The following IL1RAPL2 variants were observed in gnomAD, a reference collection of about 807,000 sequenced individuals.
IL1RAPL2 encodes the protein X-linked interleukin-1 receptor accessory protein-like 2.
IL1RAPL2 carries 3 observed loss-of-function variants against 44.1 expected under a neutral mutation model. The observed-to-expected ratio is 0.07, with a 90% confidence interval of 0.03 to 0.18. The LOEUF (loss-of-function observed/expected upper bound fraction) is 0.18. Among genes scored for constraint, IL1RAPL2 ranks in the 10% least tolerant of loss-of-function variants. The pLI, the probability that IL1RAPL2 is intolerant of heterozygous loss-of-function variation, is 1.00. For synonymous variants in IL1RAPL2, 181 were observed against 178.8 expected, an observed-to-expected ratio of 1.01 and a Z score of -0.10; for missense variants, 391 against 496.4, an observed-to-expected ratio of 0.79 and a Z score of 2.02.
intron 2 of IL1RAPL2, among the ~76,000 whole-genome samples, chrX:105,159,897 G>A (rs1204044121): frequency 9.1e-6 from 1 of 110,069 alleles, no homozygotes; most frequent in Non-Finnish European, 1.9e-5. Context: ...TGTAGCCCAG[G>A]CCTTTTTCCT....
At chrX:104,950,358 T>C (rs958581972) in intron 2 of IL1RAPL2, among the ~76,000 whole-genome samples, 2 of 112,478 alleles carry the variant, frequency 1.8e-5, no homozygotes, top group African/African-American at 6.5e-5. Flanking sequence ...GGAGAACCAC[T>C]GCTCTCTTCA....
chrX:105,015,834 T>A (rs1352935374), intron 2 of IL1RAPL2, among the ~76,000 whole-genome samples: 2 of 111,889 alleles, frequency 1.8e-5, no homozygotes, highest in Non-Finnish European at 3.8e-5. Context: ...AAGCAGTTTT[T>A]TCCAATTCTG....
intron 6 of IL1RAPL2, among the ~76,000 whole-genome samples, chrX:105,665,753 T>TTTTGTTG (rs2037759802): frequency 7.2e-5 from 5 of 69,308 alleles, no homozygotes; most frequent in Admixed American, 1.6e-4. Context: ...TTTTTTTTTT[T>TTTTGTTG]TTGTTGTTGT....
chrX:104,977,179 A>T (rs1443747640), intron 2 of IL1RAPL2, among the ~76,000 whole-genome samples: 1 of 111,808 alleles, frequency 8.9e-6, no homozygotes, highest in Non-Finnish European at 1.9e-5. Context: ...TGGGACCCGG[A>T]TGAAGGTCTT....
chrX:104,802,822 C>A (rs1932894447), intron 2 of IL1RAPL2, among the ~76,000 whole-genome samples: 1 of 111,129 alleles, frequency 9.0e-6, no homozygotes, highest in African/African-American at 3.3e-5. Context: ...GAATATCAAT[C>A]CCTAAGTGTT....
intron 4 of IL1RAPL2, among the ~76,000 whole-genome samples, chrX:105,253,554 T>TG (rs2034288642): frequency 9.2e-6 from 1 of 108,410 alleles, no homozygotes; most frequent in Admixed American, 9.7e-5. Context: ...TATCTGAGTC[T>TG]GTTTTTTTTT....
intron 6 of IL1RAPL2, among the ~76,000 whole-genome samples, chrX:105,671,096 A>T (rs1400217070): frequency 9.1e-6 from 1 of 110,220 alleles, no homozygotes; most frequent in Non-Finnish European, 1.9e-5. Flanking sequence ...ACAGGCACCC[A>T]CCACCACGCC....
At chrX:105,193,096 A>C (rs1044910261) in intron 2 of IL1RAPL2, among the ~76,000 whole-genome samples, 6 of 112,029 alleles carry the variant, frequency 5.4e-5, no homozygotes, top group Admixed American at 4.8e-4. Flanking sequence ...TCCCATCACA[A>C]ATAGGCCAAA....
intron 5 of IL1RAPL2, among the ~76,000 whole-genome samples, chrX:105,480,034 C>T (rs1004848694): frequency 8.1e-5 from 9 of 111,678 alleles, no homozygotes; most frequent in Non-Finnish European, 1.7e-4. Context: ...TAGCTTCATT[C>T]ACAGAAATTA....
chrX:104,936,847 C>G (rs916968974), intron 2 of IL1RAPL2, among the ~76,000 whole-genome samples: 2 of 110,692 alleles, frequency 1.8e-5, no homozygotes, highest in Non-Finnish European at 3.8e-5. Context: ...ACCTCGTGAT[C>G]CACCCGCCTC....
intron 6 of IL1RAPL2, among the ~76,000 whole-genome samples, chrX:105,489,752 T>TTC (rs1336856157): frequency 2.0e-5 from 2 of 99,056 alleles, no homozygotes; most frequent in African/African-American, 8.0e-5. Context: ...CTCTCTTTCT[T>TTC]TCTTTCTCTT....
intron 2 of IL1RAPL2, among the ~76,000 whole-genome samples, chrX:104,811,788 T>C (rs16985115): frequency 0.054 from 5,940 of 110,758 alleles, 423 homozygotes; most frequent in African/African-American, 0.19. Context: ...ATGATGACCT[T>C]GTCTAGAAGT....
At chrX:105,033,382 T>C (rs1483955953) in intron 2 of IL1RAPL2, among the ~76,000 whole-genome samples, 1 of 111,835 alleles carries the variant, frequency 8.9e-6, no homozygotes, top group Non-Finnish European at 1.9e-5. Flanking sequence ...TTTCCATGTT[T>C]ATTGCTTCCT....
At chrX:104,691,173 G>A (rs1364565651) in intron 2 of IL1RAPL2, among the ~76,000 whole-genome samples, 1 of 112,183 alleles carries the variant, frequency 8.9e-6, no homozygotes, top group East Asian at 2.8e-4. Context: ...AACCATTTTA[G>A]GAGCTCTGCA....
chrX:105,235,241 AC>A (rs1556200350), intron 4 of IL1RAPL2, among the ~76,000 whole-genome samples: 1 of 111,532 alleles, frequency 9.0e-6, no homozygotes, highest in East Asian at 2.8e-4. Context: ...TAACCACACA[AC>A]CTTCCAGCTA....
At chrX:105,405,879 A>T (rs947811453) in intron 5 of IL1RAPL2, 1 of 1,163,982 alleles carries the variant, frequency 8.6e-7, no homozygotes, top group African/African-American at 1.8e-5. Flanking sequence ...CAGTGTGTAT[A>T]ATGGGAAAGG....
At chrX:104,585,195 ATATG>A (rs1160152429) in intron 1 of IL1RAPL2, among the ~76,000 whole-genome samples, 2 of 61,472 alleles carry the variant, frequency 3.3e-5, no homozygotes, top group African/African-American at 1.9e-4. Flanking sequence ...ACACACATGT[ATATG>A]TATTATATAT....
chrX:105,454,386 A>G (rs1256621777), intron 5 of IL1RAPL2, among the ~76,000 whole-genome samples: 1 of 111,491 alleles, frequency 9.0e-6, no homozygotes, highest in Non-Finnish European at 1.9e-5. Flanking sequence ...GAGCCCCTGT[A>G]TCTCCATATC....
intron 2 of IL1RAPL2, among the ~76,000 whole-genome samples, chrX:104,892,024 C>A (rs1412811410): frequency 3.6e-5 from 4 of 111,444 alleles, no homozygotes; most frequent in South Asian, 3.8e-4. Context: ...AATTTTGTGA[C>A]AGGCCTTTTC....
Sources: allele counts gnomAD v4.1 joint callset (sites outside exome capture counted in the v4.1 genomes callset), GRCh38; gene constraint gnomAD v4.1.1; transcripts MANE v1.5; gene names NCBI Gene and HGNC (gene_info 2026-07-23, HGNC 2026-07-21).